Variants in ASPA observed in about 807,000 individuals in gnomAD.
ASPA encodes the protein aspartoacylase, also known as ACY-2.
Under a neutral mutation model 29.6 loss-of-function variants are expected in ASPA, and 25 were observed. The ratio of observed to expected loss-of-function variants is 0.85; its 90% CI spans 0.62 to 1.18. The LOEUF is 1.18. Among genes scored for constraint, ASPA ranks in the 50% most tolerant of loss-of-function variants. The probability of loss-of-function intolerance (pLI) is 0.00; values close to 1 mark genes in which losing one functional copy is unlikely to be tolerated. For missense variants in ASPA, 333 were observed against 385.7 expected (o/e 0.86, Z 1.14); for synonymous variants, 131 against 130.3 (o/e 1.01, Z -0.04).
chr17:3,480,312 T>G (rs945575359), intron 1 of ASPA, among the ~76,000 whole-genome samples: 18 of 152,252 alleles, frequency 1.2e-4, no homozygotes, highest in Non-Finnish European at 1.8e-4. Flanking sequence ...GGCCAGAGTT[T>G]TATTATTACT....
intron 1 of ASPA, among the ~76,000 whole-genome samples, chr17:3,480,157 G>A (rs1291785645): frequency 6.6e-6 from 1 of 152,192 alleles, no homozygotes; most frequent in Non-Finnish European, 1.5e-5. Flanking sequence ...CACTTTGGGA[G>A]GCCAAGGCAG....
At chr17:3,475,877 A>T (rs2073513426), upstream of ASPA, 1 of 448,054 alleles carries the variant, frequency 2.2e-6, no homozygotes. Context: ...AGATCTACTG[A>T]CCATCTGAGG....
chr17:3,499,051 C>T lies in ASPA; in HGVS notation c.905C>T (p.Thr302Met), dbSNP rs763869261. The T allele has an allele frequency of 5.0e-6, 8 of 1,613,968 alleles. No individual in the cohort carries two copies. Among genetic ancestry groups the T allele is most frequent in the East Asian group, 2.2e-5 (1 of 44,890 alleles). The change falls in exon 6 of 6, where the codon ACG becomes ATG. Residue 302 changes from threonine (T) to methionine (M), a missense_variant. Transcript: ENST00000263080. ...KEAFAKTTKLTLNAKSIRCCL... is the reference protein window; with the variant it reads ...KEAFAKTTKLMLNAKSIRCCL... ...GCTTTTGCAAAGACAACTAAACTAACGCTCAATGCAAAAAGTATTCGCTGC... is the reference window on the plus strand; with the variant it reads ...GCTTTTGCAAAGACAACTAAACTAATGCTCAATGCAAAAAGTATTCGCTGC...
chr17:3,498,179 C>T (rs1355073628), intron 5 of ASPA, among the ~76,000 whole-genome samples: 1 of 152,140 alleles, frequency 6.6e-6, no homozygotes, highest in Non-Finnish European at 1.5e-5. Flanking sequence ...GAATGTCTTG[C>T]ACACAGAAGA....
At chr17:3,494,574 A>G (rs1007988461) in intron 5 of ASPA, 115 bp downstream of exon 5, 13 of 851,496 alleles carry the variant, frequency 1.5e-5, no homozygotes, top group Middle Eastern at 2.4e-4. Flanking sequence ...CTCTCATTAG[A>G]CACTGAGTGT....
At chr17:3,489,438 A>C in intron 4 of ASPA, 96 bp downstream of exon 4, 1 of 1,074,108 alleles carries the variant, frequency 9.3e-7, no homozygotes, top group South Asian at 1.3e-5. Context: ...AAAGATATGA[A>C]GTGCTTTTTA....
At chr17:3,481,841 T>C (rs2073636895) in intron 2 of ASPA, 43 bp downstream of exon 2, 1 of 1,488,430 alleles carries the variant, frequency 6.7e-7, no homozygotes, top group African/African-American at 1.4e-5. Flanking sequence ...AAAGGACTTG[T>C]ACTTTTAAGT....
rs1405992993 is a variant in ASPA, at chr17:3,481,614, CAGA to C, written c.252_254del (p.Glu84del). 6.2e-7 allele frequency: 1 copy of C among 1,613,382 alleles called. No individual in the cohort carries two copies. Among genetic ancestry groups the C allele is most frequent in the Non-Finnish European group, 8.5e-7 (1 of 1,179,786 alleles). On this transcript the variant is annotated inframe_deletion, in exon 2 of 6. Transcript: ENST00000263080. ...TCTGCTTATAACAGCAAAAAAATGT[CAGA>C]AGATTTGCCATATGAAGTGAGAAGG...
At position 3,503,213 on chromosome 17, in the gene ASPA, A is replaced by G. The variant is rs1024923943; in HGVS notation, c.*4125A>G. 4 of 152,150 alleles carry G rather than the reference A, an allele frequency of 2.6e-5. No individual in the cohort carries two copies. Among genetic ancestry groups the G allele is most frequent in the African/African-American group, 7.2e-5 (3 of 41,420 alleles). The allele number at this position is 152,150 out of a possible 1,614,324, so 9.4% of individuals were successfully genotyped here. ...TACTAACATTATCTGGAATGAATGA[A>G]TGAATGAATGAATGAATAAATATTA... On this transcript the variant is annotated 3_prime_UTR_variant, in exon 6 of 6. Coordinates refer to ENST00000263080, the MANE Select transcript of ASPA (RefSeq NM_000049.4).
At chr17:3,476,953 A>G (rs1006811538) in intron 1 of ASPA, among the ~76,000 whole-genome samples, 2 of 152,220 alleles carry the variant, frequency 1.3e-5, no homozygotes, top group African/African-American at 4.8e-5. Context: ...CAGGAGATCG[A>G]GACCATCCTG....
intron 3 of ASPA, 42 bp from the exon 4 acceptor site, chr17:3,489,193 T>G (rs750698855): frequency 8.5e-7 from 1 of 1,178,722 alleles, no homozygotes; most frequent in Non-Finnish European, 1.3e-6. Flanking sequence ...TAATATATTT[T>G]CATACTTATA....
chr17:3,477,113 C>A (rs1464790409), intron 1 of ASPA, among the ~76,000 whole-genome samples: 1 of 151,814 alleles, frequency 6.6e-6, no homozygotes. Flanking sequence ...CAAGATTGTG[C>A]CACTGCACTC....
intron 4 of ASPA, 83 bp from the exon 5 acceptor site, chr17:3,494,267 G>A: frequency 9.4e-7 from 1 of 1,068,670 alleles, no homozygotes; most frequent in Non-Finnish European, 1.4e-6. Flanking sequence ...GCCTCCCAAA[G>A]TGCTGGGATG....
intron 3 of ASPA, among the ~76,000 whole-genome samples, chr17:3,486,354 A>G (rs996547365): frequency 6.6e-6 from 1 of 152,222 alleles, no homozygotes; most frequent in Admixed American, 6.5e-5. Context: ...CATCTGGAAC[A>G]AAAATAGTCC....
chr17:3,498,792 A>T (rs1405223977), intron 5 of ASPA, 99 bp from the exon 6 acceptor site: 2 of 1,184,350 alleles, frequency 1.7e-6, no homozygotes, highest in Non-Finnish European at 2.3e-6. Flanking sequence ...CTTTTAAAAC[A>T]ACAGAATACT....
chr17:3,496,804 C>T (rs191586952), intron 5 of ASPA, among the ~76,000 whole-genome samples: 6 of 152,298 alleles, frequency 3.9e-5, no homozygotes, highest in African/African-American at 1.2e-4. Flanking sequence ...CGGTGGCTCA[C>T]GCCTGTAATC....
chr17:3,481,059 G>A (rs528094085), intron 1 of ASPA, among the ~76,000 whole-genome samples: 1 of 151,566 alleles, frequency 6.6e-6, no homozygotes, highest in Admixed American at 6.6e-5. Context: ...GGAGTTTGAG[G>A]GTACAGTGAT....
rs1203013371 is a variant in ASPA, at chr17:3,489,248, T to G, written c.540T>G (p.Gly180=). The change falls in exon 4 of 6, where the codon GGT becomes GGG. Residue 180 remains glycine, a synonymous_variant. Coordinates refer to ENST00000263080, the MANE Select transcript of ASPA (RefSeq NM_000049.4). ...TTCTGTACCTAGGTATAGAAGTTGGTCCTCAGCCTCAAGGGGTTCTGAGAG... is the reference window on the plus strand; with the variant it reads ...TTCTGTACCTAGGTATAGAAGTTGGGCCTCAGCCTCAAGGGGTTCTGAGAG... ...IAKYPVGIEV[G]PQPQGVLRAD... The G allele has an allele frequency of 6.2e-7, 1 of 1,611,322 alleles. No homozygotes were observed. The highest frequency in any genetic ancestry group is 8.5e-7 in the Non-Finnish European group (1 of 1,178,590).
intron 5 of ASPA, among the ~76,000 whole-genome samples, chr17:3,497,304 T>C (rs994757402): frequency 4.6e-5 from 7 of 152,026 alleles, no homozygotes; most frequent in African/African-American, 1.7e-4. Context: ...TTCAGAGAAA[T>C]AGTTCTCAGC....
Sources: allele counts gnomAD v4.1 joint callset (sites outside exome capture counted in the v4.1 genomes callset), GRCh38; gene constraint gnomAD v4.1.1; transcripts MANE v1.5; gene names NCBI Gene and HGNC (gene_info 2026-07-23, HGNC 2026-07-21).